SRRM4: variants seen among roughly 807,000 people sequenced by gnomAD.
The protein encoded by SRRM4 is serine/arginine repetitive matrix protein 4.
In SRRM4, 33 loss-of-function variants were observed where a neutral mutation model predicts 68.9. The ratio of observed to expected loss-of-function variants is 0.48; its 90% CI spans 0.36 to 0.64. SRRM4 has a LOEUF of 0.64. SRRM4 is among the 30% of genes least tolerant of loss of function. The pLI is 0.00. For synonymous variants in SRRM4, 318 were observed against 318.8 expected, an observed-to-expected ratio of 1.00 and a Z score of 0.03; for missense variants, 817 against 827.1, an observed-to-expected ratio of 0.99 and a Z score of 0.15.
chr12:118,998,286 A>G (rs1473659623), intron 1 of SRRM4, among the ~76,000 whole-genome samples: 3 of 150,146 alleles, frequency 2.0e-5, no homozygotes, highest in African/African-American at 4.9e-5. Flanking sequence ...AAAAAAAAAA[A>G]AAAAAAAAAA....
chr12:119,043,952 G>A (rs895449319), intron 1 of SRRM4, among the ~76,000 whole-genome samples: 5 of 152,024 alleles, frequency 3.3e-5, no homozygotes, highest in African/African-American at 9.7e-5. Context: ...CACAACCTCC[G>A]CCTTCCGGTT....
intron 1 of SRRM4, among the ~76,000 whole-genome samples, chr12:119,041,303 A>G (rs1565895604): frequency 6.6e-6 from 1 of 152,138 alleles, no homozygotes; most frequent in Non-Finnish European, 1.5e-5. Context: ...CTCTAAATTA[A>G]TATGATTTTG....
At chr12:119,141,355 C>T (rs1461417518) in intron 8 of SRRM4, among the ~76,000 whole-genome samples, 2 of 152,130 alleles carry the variant, frequency 1.3e-5, no homozygotes, top group Non-Finnish European at 2.9e-5. Flanking sequence ...GTGAATGTAT[C>T]GAAATATCAC....
In SRRM4 at chr12:119,150,776, C is replaced by T. The variant is rs78054679; in HGVS notation, c.1077-241C>T. ...CTAAAATACTCCACTGTGGCCCCAGCGGTATGTGTTTCACACTTGAGGAAA... is the reference window on the plus strand; with the variant it reads ...CTAAAATACTCCACTGTGGCCCCAGTGGTATGTGTTTCACACTTGAGGAAA... On this transcript the variant is annotated intron_variant, in intron 9 of 12. Coordinates refer to ENST00000267260, the MANE Select transcript of SRRM4 (RefSeq NM_194286.4). 9.6e-3 allele frequency among the ~76,000 whole-genome samples: 1,467 copies of T among 152,254 alleles called. 29 individuals are homozygous for T. Among genetic ancestry groups the T allele is most frequent in the African/African-American group, 0.033 (1,372 of 41,552 alleles).
At chr12:119,097,516 G>A (rs7315034) in intron 1 of SRRM4, among the ~76,000 whole-genome samples, 12,023 of 152,242 alleles carry the variant, frequency 0.079, 531 homozygotes, top group African/African-American at 0.1. Flanking sequence ...TCTCTGCCTG[G>A]CAGAATTCAT....
rs1954166585 is a variant in SRRM4, at chr12:119,114,663, T to C, written c.365+299T>C. ...ACTAATTAATAGGAAGCATAGTCTT[T>C]TTTTTTTTTTTTTTTTTTTGAGACG... On this transcript the variant is annotated intron_variant, in intron 3 of 12. Transcript: ENST00000267260. Among the ~76,000 whole-genome samples, 3 of 121,576 alleles carry C rather than the reference T, an allele frequency of 2.5e-5. No homozygotes were observed. In the South Asian group the frequency reaches 7.9e-4, roughly 32 times the overall value. The allele number at this position is 121,576 out of a possible 152,430, so 79.8% of individuals were successfully genotyped here.
rs1443843490 is a variant in SRRM4, at chr12:119,062,751, A to G, written c.132-39485A>G. On this transcript the variant is annotated intron_variant, in intron 1 of 12. Coordinates refer to ENST00000267260, the MANE Select transcript of SRRM4 (RefSeq NM_194286.4). Reference sequence around the variant, plus strand: ...TACATTATAATCGCATGGGACCACCATCTATGTATGGCTTGCCATTAACCG... The same window carrying G: ...TACATTATAATCGCATGGGACCACCGTCTATGTATGGCTTGCCATTAACCG... 2.0e-5 allele frequency among the ~76,000 whole-genome samples: 3 copies of G among 152,228 alleles called. No individual in the cohort carries two copies. In the East Asian group the frequency reaches 5.8e-4, roughly 29 times the overall value.
At chr12:119,072,367 C>T (rs567744708) in intron 1 of SRRM4, among the ~76,000 whole-genome samples, 21 of 152,288 alleles carry the variant, frequency 1.4e-4, no homozygotes, top group African/African-American at 4.8e-4. Context: ...CCTTCCTTCC[C>T]TACCTTCTCC....
intron 7 of SRRM4, among the ~76,000 whole-genome samples, chr12:119,129,382 A>T (rs540966309): frequency 2.6e-4 from 40 of 152,340 alleles, no homozygotes; most frequent in African/African-American, 8.4e-4. Flanking sequence ...AAGCAGCCAG[A>T]TCTAGACGTG....
intron 1 of SRRM4, among the ~76,000 whole-genome samples, chr12:119,015,685 T>C (rs541945786): frequency 1.6e-4 from 25 of 152,324 alleles, no homozygotes; most frequent in African/African-American, 5.8e-4. Flanking sequence ...CAATATCCTA[T>C]TGATTTGTAA....
intron 1 of SRRM4, among the ~76,000 whole-genome samples, chr12:119,027,025 C>T (rs1953553110): frequency 6.6e-6 from 1 of 152,162 alleles, no homozygotes; most frequent in African/African-American, 2.4e-5. Flanking sequence ...GAAGGAGTCA[C>T]ATTTAGATGC....
At chr12:119,099,541 T>G (rs1954066028) in intron 1 of SRRM4, among the ~76,000 whole-genome samples, 1 of 152,266 alleles carries the variant, frequency 6.6e-6, no homozygotes, top group Non-Finnish European at 1.5e-5. Flanking sequence ...TATAACTGTG[T>G]AACAAATTAT....
chr12:119,046,020 G>A (rs996537026), intron 1 of SRRM4, among the ~76,000 whole-genome samples: 2 of 151,858 alleles, frequency 1.3e-5, no homozygotes, highest in African/African-American at 4.8e-5. Flanking sequence ...CCTGGCGACA[G>A]AGCGAGATTC....
At chr12:119,082,326 C>T (rs115934862) in intron 1 of SRRM4, among the ~76,000 whole-genome samples, 141 of 152,290 alleles carry the variant, frequency 9.3e-4, no homozygotes, top group African/African-American at 3.2e-3. Flanking sequence ...CCACGCTGGC[C>T]TCATCATTTC....
intron 1 of SRRM4, among the ~76,000 whole-genome samples, chr12:119,101,863 G>A (rs1954079418): frequency 6.6e-6 from 1 of 150,462 alleles, no homozygotes; most frequent in African/African-American, 2.4e-5. Context: ...AATAGAATAA[G>A]CTATGCTGCT....
At chr12:119,013,355 T>C (rs146713057) in intron 1 of SRRM4, among the ~76,000 whole-genome samples, 122 of 152,330 alleles carry the variant, frequency 8.0e-4, no homozygotes, top group African/African-American at 2.8e-3. Context: ...TCAAATGATA[T>C]GATTTTCAGA....
intron 1 of SRRM4, among the ~76,000 whole-genome samples, chr12:119,040,495 A>G (rs1953660851): frequency 6.6e-6 from 1 of 152,242 alleles, no homozygotes; most frequent in African/African-American, 2.4e-5. Flanking sequence ...GATAGTCTCC[A>G]GTCTCATCCA....
chr12:119,126,459 T>C (rs1195489896), intron 7 of SRRM4, among the ~76,000 whole-genome samples: 6 of 152,198 alleles, frequency 3.9e-5, no homozygotes, highest in African/African-American at 1.4e-4. Flanking sequence ...TCTTAGCAAC[T>C]AAGTGACAGT....
intron 1 of SRRM4, among the ~76,000 whole-genome samples, chr12:119,066,030 G>A (rs1300731568): frequency 6.6e-6 from 1 of 152,186 alleles, no homozygotes; most frequent in African/African-American, 2.4e-5. Context: ...CTGACAAAGA[G>A]TAACCCCTCA....
Sources: allele counts gnomAD v4.1 joint callset (sites outside exome capture counted in the v4.1 genomes callset), GRCh38; gene constraint gnomAD v4.1.1; transcripts MANE v1.5; gene names NCBI Gene and HGNC (gene_info 2026-07-23, HGNC 2026-07-21).